REC114: variants seen among roughly 807,000 people sequenced by gnomAD.
REC114 encodes meiotic recombination protein REC114.
REC114 carries 27 observed loss-of-function variants against 31.3 expected under a neutral mutation model. That is an observed-to-expected ratio of 0.86 (90% CI 0.64 to 1.19). The LOEUF (loss-of-function observed/expected upper bound fraction) is 1.19, where lower values mean the gene tolerates loss of function less well. Among genes scored for constraint, REC114 ranks in the 50% most tolerant of loss-of-function variants. The pLI is 0.00. For synonymous variants in REC114, 134 were observed against 127.7 expected (o/e 1.05, Z -0.33); for missense variants, 344 against 326.9 (o/e 1.05, Z -0.40).
At chr15:73,538,311 C>A (rs899195770) in intron 2 of REC114, among the ~76,000 whole-genome samples, 4 of 152,124 alleles carry the variant, frequency 2.6e-5, no homozygotes, top group African/African-American at 7.2e-5. Context: ...TGTTTTACAT[C>A]ATTTACAATC....
At chr15:73,484,839 T>G (rs1163499160) in intron 2 of REC114, among the ~76,000 whole-genome samples, 1 of 152,160 alleles carries the variant, frequency 6.6e-6, no homozygotes, top group East Asian at 1.9e-4. Context: ...AATGATAGAG[T>G]TCAGCAAATT....
rs771620981 is a variant in REC114 at position 73,556,340 on chromosome 15, A to T, written c.585A>T (p.Thr195=). Residue 195 remains threonine (T), a synonymous_variant, in exon 5 of 6, where the codon ACA becomes ACT. Coordinates refer to ENST00000331090, the MANE Select transcript of REC114 (RefSeq NM_001042367.2). ...CAGAACAACAGCAAGTGTGTGTAAC[A>T]GCGGGCACAGGCGCTCCAGACGGAA... is the stretch of plus-strand genomic sequence containing the variant. ...QHSEQQQVCV[T]AGTGAPDGRT... The T allele has an allele frequency of 1.2e-6, 2 of 1,613,860 alleles. No homozygotes were observed. The highest frequency in any genetic ancestry group is 2.2e-5 in the South Asian group (2 of 91,078).
chr15:73,492,746 A>G (rs773666918), intron 2 of REC114, among the ~76,000 whole-genome samples: 19 of 152,152 alleles, frequency 1.2e-4, no homozygotes, highest in African/African-American at 2.2e-4. Flanking sequence ...ATTCTGCTCA[A>G]TTTATACTCT....
In REC114 at chr15:73,551,074, A is replaced by C; in HGVS notation, c.470A>C (p.Gln157Pro). ...QVPDGNIQEL[Q>P]LIPGPPRATE... ...CCTGATGGAAACATCCAGGAGCTTC[A>C]GCTGATTCCTGGCCCACCCAGGGCA... The change falls in exon 4 of 6, where the codon CAG (glutamine) becomes CCG (proline). Residue 157 changes from glutamine (Q) to proline (P), a missense_variant. Physicochemically the swap from Gln to Pro is moderately conservative, Grantham distance 76. Coordinates refer to ENST00000331090, the MANE Select transcript of REC114 (RefSeq NM_001042367.2). 6.2e-7 allele frequency: 1 copy of C among 1,613,754 alleles called. No homozygotes were observed.
Position 73,473,846 on chromosome 15 carries a change from T to G in REC114, c.174T>G (p.Asn58Lys), listed in dbSNP as rs1234881450. Residue 58 changes from asparagine to lysine, a missense_variant, in exon 2 of 6, where the codon AAT (asparagine) becomes AAG (lysine). By Grantham distance (94) the Asn-to-Lys change is moderately conservative (BLOSUM62 0). Transcript: ENST00000331090. ...PCPTWKVFDS[N>K]EESGYLVLTI... is the part of the protein sequence containing the mutation. ...TCCCTTTCAAGGTTTTTGATTCCAA[T>G]GAAGAATCTGGATATCTTGTTCTCA... 6.4e-7 allele frequency: 1 copy of G among 1,573,972 alleles called. No individual in the cohort carries two copies. The highest frequency in any genetic ancestry group is 1.8e-5 in the Admixed American group (1 of 55,102).
chr15:73,530,796 C>G (rs773869114), intron 2 of REC114, among the ~76,000 whole-genome samples: 3 of 151,012 alleles, frequency 2.0e-5, no homozygotes, highest in Non-Finnish European at 4.4e-5. Flanking sequence ...AAACTGAGCT[C>G]CAGGATAGTG....
At chr15:73,482,625 G>A (rs1363336027) in intron 2 of REC114, among the ~76,000 whole-genome samples, 2 of 152,184 alleles carry the variant, frequency 1.3e-5, no homozygotes, top group African/African-American at 4.8e-5. Flanking sequence ...GTTTCACTTA[G>A]CATAATGTTA....
intron 2 of REC114, among the ~76,000 whole-genome samples, chr15:73,508,497 G>C (rs1893715474): frequency 6.8e-6 from 1 of 147,858 alleles, no homozygotes; most frequent in Admixed American, 6.8e-5. Context: ...ACATTGTGCA[G>C]GTTAGTTACA....
chr15:73,464,395 TCTC>T (rs199690989), intron 1 of REC114, among the ~76,000 whole-genome samples: 1,562 of 152,226 alleles, frequency 0.01, 25 homozygotes, highest in African/African-American at 0.036. Flanking sequence ...CTGTTGTCAG[TCTC>T]CTCTAGCAGC....
intron 2 of REC114, among the ~76,000 whole-genome samples, chr15:73,536,144 A>G (rs904123963): frequency 1.2e-4 from 19 of 152,280 alleles, no homozygotes; most frequent in African/African-American, 4.6e-4. Flanking sequence ...AAACACCAAA[A>G]GCAATGGCAA....
At chr15:73,447,363 G>A (rs532578794) in intron 1 of REC114, among the ~76,000 whole-genome samples, 66 of 152,250 alleles carry the variant, frequency 4.3e-4, no homozygotes, top group African/African-American at 1.5e-3. Flanking sequence ...AAGCTTAAAC[G>A]TAATCCAACA....
At chr15:73,491,459 C>T (rs1305852904) in intron 2 of REC114, among the ~76,000 whole-genome samples, 1 of 152,036 alleles carries the variant, frequency 6.6e-6, no homozygotes, top group African/African-American at 2.4e-5. Flanking sequence ...ATGAGTAGAG[C>T]TTTTATGAAC....
chr15:73,445,966 G>A (rs998992067), intron 1 of REC114, among the ~76,000 whole-genome samples: 1 of 152,174 alleles, frequency 6.6e-6, no homozygotes, highest in Non-Finnish European at 1.5e-5. Flanking sequence ...ATTGATGTGG[G>A]GTTGCCACAA....
intron 2 of REC114, among the ~76,000 whole-genome samples, chr15:73,499,469 A>C (rs1451037056): frequency 2.6e-5 from 4 of 151,908 alleles, no homozygotes; most frequent in Non-Finnish European, 5.9e-5. Flanking sequence ...ATCATATTAA[A>C]ACCAAGTAGT....
intron 2 of REC114, among the ~76,000 whole-genome samples, chr15:73,493,388 A>T (rs1380498053): frequency 6.6e-6 from 1 of 152,212 alleles, no homozygotes; most frequent in Non-Finnish European, 1.5e-5. Flanking sequence ...AATTTTAATT[A>T]AAATTTACTT....
rs895268858 is a variant in REC114 at position 73,516,792 on chromosome 15, C to A, written c.250-23693C>A. 2.0e-5 allele frequency among the ~76,000 whole-genome samples: 3 copies of A among 152,194 alleles called. No homozygotes were observed. In the South Asian group the frequency reaches 6.2e-4, roughly 32 times the overall value. ...ACAGGCTCCTGCCACCATGCCAGGC[C>A]TATTTTTTATTTTTAGTAGAGATGG... On this transcript the variant is annotated intron_variant, in intron 2 of 5. Coordinates refer to ENST00000331090, the MANE Select transcript of REC114 (RefSeq NM_001042367.2).
At chr15:73,469,068 T>C (rs1893099554) in intron 1 of REC114, among the ~76,000 whole-genome samples, 1 of 152,164 alleles carries the variant, frequency 6.6e-6, no homozygotes, top group Admixed American at 6.5e-5. Context: ...TTGAGAAGAA[T>C]GTGTTTTGTG....
chr15:73,550,831 T>C, intron 3 of REC114, 107 bp from the exon 4 acceptor site: 1 of 996,248 alleles, frequency 1.0e-6, no homozygotes, highest in Non-Finnish European at 1.5e-6. Flanking sequence ...TGTTCCCTTA[T>C]CTATACCTCT....
intron 1 of REC114, among the ~76,000 whole-genome samples, chr15:73,471,416 T>C (rs1893130650): frequency 6.6e-6 from 1 of 152,214 alleles, no homozygotes; most frequent in South Asian, 2.1e-4. Flanking sequence ...AAGAAAATTA[T>C]TTTCTGAGGT....
Sources: allele counts gnomAD v4.1 joint callset (sites outside exome capture counted in the v4.1 genomes callset), GRCh38; gene constraint gnomAD v4.1.1; transcripts MANE v1.5; gene names NCBI Gene and HGNC (gene_info 2026-07-23, HGNC 2026-07-21).